Variants in PDE11A observed in about 807,000 individuals in gnomAD.
PDE11A encodes dual 3',5'-cyclic-AMP and -GMP phosphodiesterase 11A.
PDE11A carries 100 observed loss-of-function variants against 100.5 expected under a neutral mutation model. The ratio of observed to expected loss-of-function variants is 1.00; its 90% CI spans 0.85 to 1.18. The LOEUF is 1.18. Among genes scored for constraint, PDE11A ranks in the 50% most tolerant of loss-of-function variants. PDE11A has a pLI of 0.00. For synonymous variants in PDE11A, 381 were observed against 420.8 expected, an observed-to-expected ratio of 0.91 and a Z score of 1.16; for missense variants, 1,141 against 1,152.6, an observed-to-expected ratio of 0.99 and a Z score of 0.15.
intron 9 of PDE11A, among the ~76,000 whole-genome samples, chr2:177,799,023 T>C (rs1482290394): frequency 6.6e-6 from 1 of 152,228 alleles, no homozygotes; most frequent in Non-Finnish European, 1.5e-5. Context: ...CTTGATATGA[T>C]GTGATTAAAA....
intron 5 of PDE11A, among the ~76,000 whole-genome samples, chr2:177,850,981 C>T (rs1238957041): frequency 1.3e-5 from 2 of 152,136 alleles, no homozygotes; most frequent in African/African-American, 4.8e-5. Context: ...AGTGTGGCGA[C>T]TCCTCAAGGA....
chr2:177,735,686 G>A (rs191732410), intron 10 of PDE11A, among the ~76,000 whole-genome samples: 62 of 152,282 alleles, frequency 4.1e-4, no homozygotes, highest in Non-Finnish European at 1.5e-5. Flanking sequence ...CCTCTAATAG[G>A]CTTGGACCCC....
intron 18 of PDE11A, among the ~76,000 whole-genome samples, chr2:177,664,948 A>C (rs932272121): frequency 6.6e-6 from 1 of 152,150 alleles, no homozygotes; most frequent in African/African-American, 2.4e-5. Context: ...CATCGTTCAG[A>C]TGTATGAACA....
At chr2:177,669,267 C>A (rs967366222) in intron 18 of PDE11A, among the ~76,000 whole-genome samples, 1 of 152,154 alleles carries the variant, frequency 6.6e-6, no homozygotes, top group Admixed American at 6.6e-5. Context: ...GCCTACTTGT[C>A]CCACTGTGGG....
intron 2 of PDE11A, among the ~76,000 whole-genome samples, chr2:177,970,261 T>G (rs2085753278): frequency 6.6e-6 from 1 of 152,094 alleles, no homozygotes; most frequent in Non-Finnish European, 1.5e-5. Context: ...AACTGACACG[T>G]TTACATTAGG....
intron 10 of PDE11A, among the ~76,000 whole-genome samples, chr2:177,737,252 AAAAT>A (rs1326335616): frequency 1.4e-5 from 2 of 147,834 alleles, no homozygotes; most frequent in African/African-American, 2.5e-5. Flanking sequence ...AAATAAAATA[AAAAT>A]AAATAAATAA....
chr2:178,024,827 T>C (rs1423630747), intron 1 of PDE11A, among the ~76,000 whole-genome samples: 1 of 152,250 alleles, frequency 6.6e-6, no homozygotes, highest in Non-Finnish European at 1.5e-5. Context: ...TCCTTACACT[T>C]ATGACTTATC....
At chr2:177,637,995 A>ATTTTTTT (rs1303030999) in intron 19 of PDE11A, among the ~76,000 whole-genome samples, 1 of 54,128 alleles carries the variant, frequency 1.8e-5, no homozygotes. Context: ...ATATATATAT[A>ATTTTTTT]TATTTTTTTT....
At chr2:178,069,157 C>G (rs2105871164) in intron 1 of PDE11A, among the ~76,000 whole-genome samples, 1 of 152,142 alleles carries the variant, frequency 6.6e-6, no homozygotes, top group African/African-American at 2.4e-5. Flanking sequence ...TTGCAATGTA[C>G]CAGATATTAT....
intron 1 of PDE11A, among the ~76,000 whole-genome samples, chr2:178,048,476 G>A (rs11674668): frequency 9.2e-5 from 14 of 151,820 alleles, no homozygotes; most frequent in South Asian, 2.1e-4. Flanking sequence ...CCCTTAACCC[G>A]TCCACCCTTT....
rs140269105 is a variant in PDE11A at position 177,675,484 on chromosome 2, C to T, written c.2458G>A (p.Val820Met). ...CTGGAGATCTCCCACGGTTTGGTCA[C>T]GGCTCCAAGGTCACAGGCTGTCATT... ...MLMTACDLGA[V>M]TKPWEISRQV... Residue 820 changes from valine to methionine, a missense_variant, in exon 17 of 20, where the codon GTG becomes ATG. Transcript: ENST00000286063. 764 of 1,613,318 alleles carry T rather than the reference C, an allele frequency of 4.7e-4. 2 individuals are homozygous for T. Among genetic ancestry groups the T allele is most frequent in the Admixed American group, 9.2e-4 (55 of 59,972 alleles).
At chr2:178,076,645 A>T (rs1425969999), upstream of PDE11A, among the ~76,000 whole-genome samples, 3 of 152,228 alleles carry the variant, frequency 2.0e-5, no homozygotes, top group African/African-American at 7.2e-5. Context: ...CGTCTCCTAA[A>T]ACAGACATTA....
At chr2:177,947,793 T>TA (rs71010840) in intron 2 of PDE11A, among the ~76,000 whole-genome samples, 3,851 of 26,780 alleles carry the variant, frequency 0.14, 144 homozygotes, top group African/African-American at 0.33. Flanking sequence ...AATAAAAAAA[T>TA]AAAAAAAAAA....
chr2:177,666,904 AATTTATTT>A (rs3056898), intron 18 of PDE11A, among the ~76,000 whole-genome samples: 3 of 141,380 alleles, frequency 2.1e-5, no homozygotes, highest in African/African-American at 7.8e-5. Flanking sequence ...GATAAAGTTC[AATTTATTT>A]ATTTATTTAT....
At chr2:177,747,108 G>T (rs368538490) in intron 10 of PDE11A, among the ~76,000 whole-genome samples, 3 of 152,190 alleles carry the variant, frequency 2.0e-5, no homozygotes, top group East Asian at 1.9e-4. Flanking sequence ...AAGCTTTATT[G>T]TGGTGGTGCA....
chr2:177,855,227 T>G (rs960056346), intron 5 of PDE11A, among the ~76,000 whole-genome samples: 2 of 152,090 alleles, frequency 1.3e-5, no homozygotes, highest in African/African-American at 4.8e-5. Flanking sequence ...CATATCAGTG[T>G]GTAAGTTTGA....
At position 177,713,648 on chromosome 2, in the gene PDE11A, C is replaced by T. The variant is rs143179753; in HGVS notation, c.2044-1770G>A. ...GCTGAGGCAGGAGAATCGCTTGAACCGGGAGACAGAGGTTGCAGTGAGCCT... is the reference window on the plus strand; with the variant it reads ...GCTGAGGCAGGAGAATCGCTTGAACTGGGAGACAGAGGTTGCAGTGAGCCT... On this transcript the variant is annotated intron_variant, in intron 12 of 19. Coordinates refer to ENST00000286063, the MANE Select transcript of PDE11A (RefSeq NM_016953.4). Among the ~76,000 whole-genome samples, 1,025 of 152,074 alleles carry T rather than the reference C, an allele frequency of 6.7e-3. 13 individuals carry two copies. The highest frequency in any genetic ancestry group is 0.023 in the African/African-American group (952 of 41,482).
chr2:177,948,900 A>G (rs2085474894), intron 2 of PDE11A, among the ~76,000 whole-genome samples: 1 of 152,208 alleles, frequency 6.6e-6, no homozygotes, highest in Non-Finnish European at 1.5e-5. Flanking sequence ...ACAGAGTGAC[A>G]TCTTGTCTCT....
intron 9 of PDE11A, among the ~76,000 whole-genome samples, 185 bp downstream of exon 9, chr2:177,816,644 C>A (rs2083043570): frequency 6.6e-6 from 1 of 152,088 alleles, no homozygotes; most frequent in South Asian, 2.1e-4. Context: ...CATCTGTGAA[C>A]CCCTGAAATC....
Sources: gnomAD v4.1 joint callset for allele counts (sites outside exome capture counted in the v4.1 genomes callset) on GRCh38, gnomAD v4.1.1 for gene constraint, MANE v1.5 for transcripts, NCBI Gene and HGNC (gene_info 2026-07-23, HGNC 2026-07-21) for gene names.